Variants in TP63 observed in about 807,000 individuals in gnomAD.
TP63 encodes the protein tumor protein 63.
Under a neutral mutation model 82.8 loss-of-function variants are expected in TP63, and 17 were observed. The observed-to-expected ratio is 0.21, with a 90% CI of 0.14 to 0.31. The LOEUF (loss-of-function observed/expected upper bound fraction) is 0.31. Among genes scored for constraint, TP63 ranks in the 10% least tolerant of loss-of-function variants. The probability of loss-of-function intolerance (pLI) is 1.00; values close to 1 mark genes in which losing one functional copy is unlikely to be tolerated. For missense variants in TP63, 648 were observed against 895.3 expected, an observed-to-expected ratio of 0.72 and a Z score of 3.52; for synonymous variants, 330 against 321.7, an observed-to-expected ratio of 1.03 and a Z score of -0.28.
At chr3:189,824,965 G>A (rs1031224073) in intron 4 of TP63, among the ~76,000 whole-genome samples, 6 of 152,108 alleles carry the variant, frequency 3.9e-5, no homozygotes, top group African/African-American at 1.2e-4. Context: ...TCCTCTGTAA[G>A]GATATAGAAT....
intron 3 of TP63, among the ~76,000 whole-genome samples, chr3:189,746,545 A>G (rs1351790770): frequency 6.6e-6 from 1 of 151,972 alleles, no homozygotes; most frequent in African/African-American, 2.4e-5. Context: ...AAAACAACCA[A>G]ATCACAATTA....
rs147422540 is a variant in TP63, at chr3:189,810,300, C to T, written c.579+1774C>T. Reference sequence around the variant, plus strand: ...GAATAACCATTTTATAAATGGAGCACTGATATCTCTTAGGTCACCAACCGG... The same window carrying T: ...GAATAACCATTTTATAAATGGAGCATTGATATCTCTTAGGTCACCAACCGG... On this transcript the variant is annotated intron_variant, in intron 4 of 13. Coordinates refer to ENST00000264731, the MANE Select transcript of TP63 (RefSeq NM_003722.5). Among the ~76,000 whole-genome samples, 1,067 of 152,240 alleles carry T rather than the reference C, an allele frequency of 7.0e-3. 10 individuals are homozygous for T. The highest frequency in any genetic ancestry group is 0.024 in the African/African-American group (987 of 41,548).
chr3:189,762,953 C>A (rs1722688059), intron 3 of TP63, among the ~76,000 whole-genome samples: 1 of 152,150 alleles, frequency 6.6e-6, no homozygotes, highest in Non-Finnish European at 1.5e-5. Flanking sequence ...CATCATTGAA[C>A]AACAGACCAG....
At chr3:189,806,331 G>T (rs1311257831) in intron 3 of TP63, among the ~76,000 whole-genome samples, 1 of 152,120 alleles carries the variant, frequency 6.6e-6, no homozygotes, top group Non-Finnish European at 1.5e-5. Flanking sequence ...GAGTTTCTTT[G>T]TCCTTTTTGT....
intron 4 of TP63, among the ~76,000 whole-genome samples, chr3:189,808,910 A>T (rs191988343): frequency 7.2e-5 from 11 of 152,342 alleles, no homozygotes; most frequent in Admixed American, 1.3e-4. Flanking sequence ...GTAAAGAAGT[A>T]AGTGTCACAT....
At chr3:189,858,222 G>T (rs1201510787) in intron 4 of TP63, among the ~76,000 whole-genome samples, 1 of 27,562 alleles carries the variant, frequency 3.6e-5, no homozygotes, top group Non-Finnish European at 7.9e-5. Context: ...TGGCTAACAC[G>T]GTGAAACCCC....
intron 4 of TP63, among the ~76,000 whole-genome samples, chr3:189,823,697 C>T (rs1347079699): frequency 6.6e-6 from 1 of 152,158 alleles, no homozygotes; most frequent in Non-Finnish European, 1.5e-5. Flanking sequence ...CTTGACGAAT[C>T]ACTTCCTCCC....
chr3:189,617,882 C>A, the TP63 span, among the ~76,000 whole-genome samples: 1 of 152,136 alleles, frequency 6.6e-6, no homozygotes, highest in East Asian at 1.9e-4. Flanking sequence ...ACACAGTAAG[C>A]TTCCTATGAG....
chr3:189,692,969 G>A (rs779886005), intron 1 of TP63, among the ~76,000 whole-genome samples: 3 of 152,136 alleles, frequency 2.0e-5, no homozygotes, highest in Non-Finnish European at 2.9e-5. Context: ...AAATGGACGA[G>A]TATTATGAAA....
chr3:189,672,090 ATATAT>A (rs1354044191), intron 1 of TP63, among the ~76,000 whole-genome samples: 2 of 152,132 alleles, frequency 1.3e-5, no homozygotes, highest in Non-Finnish European at 1.5e-5. Flanking sequence ...CAAGTGATAA[ATATAT>A]TAGTTATTCT....
rs561377967 is a variant in TP63 at position 189,846,099 on chromosome 3, A to AG, written c.580-18130dup. On this transcript the variant is annotated intron_variant, in intron 4 of 13. Transcript: ENST00000264731. ...GTCTACTGAGGCAGGTGGTAAAGGTAGGGTCCTAGTCACTGGAATTCTTTT... is the reference window on the plus strand; with the variant it reads ...GTCTACTGAGGCAGGTGGTAAAGGTAGGGGTCCTAGTCACTGGAATTCTTTT... Among the ~76,000 whole-genome samples the AG allele has an allele frequency of 9.5e-4, 145 of 152,172 alleles. 1 individual carries two copies. Among genetic ancestry groups the AG allele is most frequent in the African/African-American group, 3.3e-3 (136 of 41,516 alleles).
chr3:189,679,301 T>G (rs1282986178), intron 1 of TP63, among the ~76,000 whole-genome samples: 1 of 152,140 alleles, frequency 6.6e-6, no homozygotes, highest in East Asian at 1.9e-4. Context: ...TGCTTTTTTT[T>G]GTATTTTTTA....
chr3:189,797,633 G>A (rs975769428), intron 3 of TP63, among the ~76,000 whole-genome samples: 4 of 152,018 alleles, frequency 2.6e-5, no homozygotes, highest in African/African-American at 7.2e-5. Flanking sequence ...TAAATAGACC[G>A]TGTGAGACTC....
chr3:189,612,102 A>G, the TP63 span, among the ~76,000 whole-genome samples: 1 of 152,116 alleles, frequency 6.6e-6, no homozygotes, highest in Non-Finnish European at 1.5e-5. Flanking sequence ...TTCTCTTTCT[A>G]TATGGATGTG....
chr3:189,875,145 G>A (rs1035143251), intron 10 of TP63, among the ~76,000 whole-genome samples: 7 of 152,052 alleles, frequency 4.6e-5, no homozygotes, highest in African/African-American at 1.2e-4. Flanking sequence ...AGAAACAGCC[G>A]AAGATAATGC....
At chr3:189,734,133 TCCC>T (rs1720384056) in intron 1 of TP63, among the ~76,000 whole-genome samples, 2 of 132,022 alleles carry the variant, frequency 1.5e-5, no homozygotes, top group Non-Finnish European at 3.2e-5. Flanking sequence ...TCTCTTTCCC[TCCC>T]TCCCTCCCTC....
At chr3:189,610,520 C>T in the TP63 span, among the ~76,000 whole-genome samples, 1 of 152,178 alleles carries the variant, frequency 6.6e-6, no homozygotes, top group Non-Finnish European at 1.5e-5. Context: ...CAACAAGTTC[C>T]TCATTTCCAT....
intron 4 of TP63, among the ~76,000 whole-genome samples, chr3:189,810,059 T>C (rs1417848202): frequency 6.6e-6 from 1 of 152,190 alleles, no homozygotes; most frequent in African/African-American, 2.4e-5. Flanking sequence ...GAGAAGTAAT[T>C]CTCCGGTGGC....
intron 1 of TP63, among the ~76,000 whole-genome samples, chr3:189,653,831 T>C (rs1713097152): frequency 1.3e-5 from 2 of 152,202 alleles, no homozygotes; most frequent in African/African-American, 4.8e-5. Flanking sequence ...CTTGTCTAGT[T>C]TTCCATAATC....
Sources: allele counts gnomAD v4.1 joint callset (sites outside exome capture counted in the v4.1 genomes callset), GRCh38; gene constraint gnomAD v4.1.1; transcripts MANE v1.5; gene names NCBI Gene and HGNC (gene_info 2026-07-23, HGNC 2026-07-21).